The following FARS2 variants were observed in gnomAD, a reference collection of about 807,000 sequenced individuals.
FARS2 encodes phenylalanine--tRNA ligase, mitochondrial.
In FARS2, 40 loss-of-function variants were observed where a neutral mutation model predicts 46.4. The observed-to-expected ratio is 0.86, with a 90% CI of 0.67 to 1.12. FARS2 has a LOEUF of 1.12. FARS2 is among the 50% of genes most tolerant of loss of function. The pLI is 0.00. For synonymous variants in FARS2, 234 were observed against 214.9 expected (o/e 1.09, Z -0.78); for missense variants, 513 against 567.9 (o/e 0.90, Z 0.98).
At chr6:5,397,156 G>A (rs1488528759) in intron 2 of FARS2, among the ~76,000 whole-genome samples, 1 of 152,110 alleles carries the variant, frequency 6.6e-6, no homozygotes, top group South Asian at 2.1e-4. Context: ...AAGACATGGG[G>A]GAAATGTACA....
chr6:5,434,140 C>T (rs11243012), intron 4 of FARS2, among the ~76,000 whole-genome samples: 8,805 of 152,158 alleles, frequency 0.058, 278 homozygotes, highest in South Asian at 0.084. Context: ...GACAGAGTCT[C>T]GCTCTGTTGC....
intron 4 of FARS2, among the ~76,000 whole-genome samples, chr6:5,447,464 C>G (rs1764246098): frequency 6.6e-6 from 1 of 152,160 alleles, no homozygotes; most frequent in Admixed American, 6.5e-5. Flanking sequence ...CTTTTTACCC[C>G]CATTCTCTAC....
chr6:5,346,087 G>T (rs759702910), intron 1 of FARS2, among the ~76,000 whole-genome samples: 2 of 152,190 alleles, frequency 1.3e-5, no homozygotes, highest in Non-Finnish European at 2.9e-5. Flanking sequence ...TATCAGGGAC[G>T]TGCAGTCACC....
At chr6:5,669,230 T>C (rs997685600) in intron 6 of FARS2, among the ~76,000 whole-genome samples, 4 of 152,204 alleles carry the variant, frequency 2.6e-5, no homozygotes, top group African/African-American at 9.6e-5. Context: ...CCTGGCCTCC[T>C]ATGCCATTGC....
intron 1 of FARS2, among the ~76,000 whole-genome samples, chr6:5,333,950 A>T (rs927076721): frequency 6.6e-6 from 1 of 152,168 alleles, no homozygotes; most frequent in East Asian, 1.9e-4. Context: ...GGCATCCTCT[A>T]CATGTGCTGT....
At chr6:5,309,607 C>T (rs962035391) in intron 1 of FARS2, among the ~76,000 whole-genome samples, 5 of 151,506 alleles carry the variant, frequency 3.3e-5, no homozygotes, top group Admixed American at 6.6e-5. Context: ...CTTATGACAG[C>T]CAAAATAATA....
chr6:5,607,370 AG>A (rs879905863), intron 5 of FARS2, among the ~76,000 whole-genome samples: 1 of 151,820 alleles, frequency 6.6e-6, no homozygotes, highest in Admixed American at 6.6e-5. Context: ...TCCTTACACC[AG>A]GGGGAAAATA....
At chr6:5,260,684 A>T (rs746540959), upstream of FARS2, 4 of 1,548,324 alleles carry the variant, frequency 2.6e-6, no homozygotes, top group Admixed American at 7.8e-5. Context: ...GCTCTCTCTC[A>T]GCATCGCCCG....
At chr6:5,260,673 T>C (rs1002996135), upstream of FARS2, 20 of 1,534,418 alleles carry the variant, frequency 1.3e-5, no homozygotes, top group African/African-American at 1.4e-5. Context: ...CTGAAACGCT[T>C]GCTCTCTCTC....
intron 2 of FARS2, among the ~76,000 whole-genome samples, chr6:5,393,377 C>T (rs1488938909): frequency 6.6e-6 from 1 of 152,030 alleles, no homozygotes; most frequent in Non-Finnish European, 1.5e-5. Context: ...AGTGCTTTGG[C>T]CGGGCATGGT....
intron 6 of FARS2, among the ~76,000 whole-genome samples, chr6:5,650,909 T>C (rs1777327743): frequency 6.6e-6 from 1 of 152,234 alleles, no homozygotes; most frequent in South Asian, 2.1e-4. Flanking sequence ...CACTTTCTGA[T>C]TCTTACTGGT....
intron 4 of FARS2, among the ~76,000 whole-genome samples, chr6:5,462,038 G>T (rs1344696867): frequency 6.6e-6 from 1 of 152,116 alleles, no homozygotes; most frequent in African/African-American, 2.4e-5. Context: ...ATACATGAGG[G>T]TTCTAGTTTC....
chr6:5,481,088 A>G (rs968936290), intron 4 of FARS2, among the ~76,000 whole-genome samples: 1 of 152,238 alleles, frequency 6.6e-6, no homozygotes, highest in Non-Finnish European at 1.5e-5. Flanking sequence ...TGAGTCCTTT[A>G]TGCACGTCTT....
At chr6:5,609,657 T>C (rs1482833929) in intron 5 of FARS2, 1 of 1,245,612 alleles carries the variant, frequency 8.0e-7, no homozygotes, top group African/African-American at 1.5e-5. Context: ...AGGGCTTTCC[T>C]AACTTCACAG....
chr6:5,252,780 G>A, the FARS2 span, among the ~76,000 whole-genome samples: 1 of 152,140 alleles, frequency 6.6e-6, no homozygotes, highest in East Asian at 1.9e-4. Context: ...AAATAAGGAT[G>A]TATTTGGAGC....
intron 5 of FARS2, among the ~76,000 whole-genome samples, chr6:5,588,325 G>A (rs1161195039): frequency 1.3e-5 from 2 of 152,128 alleles, no homozygotes; most frequent in Non-Finnish European, 2.9e-5. Flanking sequence ...CCTCCTGGAA[G>A]CCCAAGGCCA....
rs542810036 is a variant in FARS2, at chr6:5,269,896, C to T, written c.-22+8236C>T. Among the ~76,000 whole-genome samples, 117 of 152,290 alleles carry T rather than the reference C, an allele frequency of 7.7e-4. 1 individual carries two copies. The highest frequency in any genetic ancestry group is 4.1e-4 in the South Asian group (2 of 4,824). Reference sequence around the variant, plus strand: ...AATTACATGATTTAATATTTTATAACGTTTTAATGTAAACATTTATTTTCT... The same window carrying T: ...AATTACATGATTTAATATTTTATAATGTTTTAATGTAAACATTTATTTTCT... On this transcript the variant is annotated intron_variant, in intron 1 of 6. Coordinates refer to ENST00000274680, the MANE Select transcript of FARS2 (RefSeq NM_006567.5).
At chr6:5,363,571 A>G (rs976386107) in intron 1 of FARS2, among the ~76,000 whole-genome samples, 2 of 152,134 alleles carry the variant, frequency 1.3e-5, no homozygotes, top group African/African-American at 2.4e-5. Context: ...ATGTGTATAT[A>G]TATGTGTTTG....
In FARS2 at chr6:5,345,679, A is replaced by C. The variant is rs74344843; in HGVS notation, c.-21-22871A>C. ...AGAGTAGCCCACAATTAAATGCTGT[A>C]AAGTGGCACAGGAAAGTGGCTTGAA... On this transcript the variant is annotated intron_variant, in intron 1 of 6. Coordinates refer to ENST00000274680, the MANE Select transcript of FARS2 (RefSeq NM_006567.5). 6.0e-3 allele frequency among the ~76,000 whole-genome samples: 910 copies of C among 152,320 alleles called. 8 individuals carry two copies. The highest frequency in any genetic ancestry group is 0.021 in the African/African-American group (870 of 41,556).
Sources: gnomAD v4.1 joint callset for allele counts (sites outside exome capture counted in the v4.1 genomes callset) on GRCh38, gnomAD v4.1.1 for gene constraint, MANE v1.5 for transcripts, NCBI Gene and HGNC (gene_info 2026-07-23, HGNC 2026-07-21) for gene names.